The following ATP10D variants were observed in gnomAD, a reference collection of about 807,000 sequenced individuals.
ATP10D encodes phospholipid-transporting ATPase VD.
ATP10D carries 89 observed loss-of-function variants against 144.8 expected under a neutral mutation model. The observed-to-expected ratio is 0.61, with a 90% confidence interval of 0.52 to 0.73. ATP10D has a LOEUF of 0.73. ATP10D is among the 30% of genes least tolerant of loss of function. The probability of loss-of-function intolerance (pLI) is 0.00; values close to 1 mark genes in which losing one functional copy is unlikely to be tolerated. For missense variants in ATP10D, 1,603 were observed against 1,714.8 expected, an observed-to-expected ratio of 0.93 and a Z score of 1.15; for synonymous variants, 571 against 615.1, an observed-to-expected ratio of 0.93 and a Z score of 1.06.
chr4:47,492,591 T>C (rs1453783520), intron 1 of ATP10D, among the ~76,000 whole-genome samples: 2 of 152,172 alleles, frequency 1.3e-5, no homozygotes, highest in Admixed American at 1.3e-4. Context: ...GTTTAAGTAA[T>C]TGACATGTGT....
chr4:47,525,737 G>A, intron 5 of ATP10D, 95 bp downstream of exon 5: 2 of 1,036,954 alleles, frequency 1.9e-6, no homozygotes, highest in South Asian at 2.9e-5. Flanking sequence ...TTATACCCTT[G>A]TTAAATCACT....
At chr4:47,499,943 G>C (rs1034196206) in intron 1 of ATP10D, among the ~76,000 whole-genome samples, 4 of 152,204 alleles carry the variant, frequency 2.6e-5, no homozygotes, top group Non-Finnish European at 5.9e-5. Context: ...AGATCTTAAT[G>C]TGAACTGTAA....
intron 10 of ATP10D, among the ~76,000 whole-genome samples, chr4:47,554,229 C>T (rs1424975338): frequency 6.6e-6 from 1 of 152,138 alleles, no homozygotes; most frequent in Non-Finnish European, 1.5e-5. Flanking sequence ...AATATGTTAG[C>T]CTGCTTATAA....
intron 14 of ATP10D, among the ~76,000 whole-genome samples, chr4:47,562,211 G>T (rs1219977209): frequency 1.3e-5 from 2 of 152,204 alleles, no homozygotes; most frequent in East Asian, 1.9e-4. Flanking sequence ...ATAGAATATG[G>T]TATATGCACC....
chr4:47,512,080 G>C (rs1716363591), intron 1 of ATP10D, among the ~76,000 whole-genome samples: 1 of 152,150 alleles, frequency 6.6e-6, no homozygotes, highest in African/African-American at 2.4e-5. Flanking sequence ...ACATAGAATG[G>C]GTTTTTTTGA....
At chr4:47,542,192 G>A (rs567616798) in intron 9 of ATP10D, among the ~76,000 whole-genome samples, 4 of 151,984 alleles carry the variant, frequency 2.6e-5, no homozygotes, top group African/African-American at 9.7e-5. Flanking sequence ...AACCCTCTGG[G>A]CTCAAGTGAT....
chr4:47,488,241 T>C lies in ATP10D; in HGVS notation c.-38+2722T>C, dbSNP rs189469188. On this transcript the variant is annotated intron_variant, in intron 1 of 22. Coordinates refer to ENST00000273859, the MANE Select transcript of ATP10D (RefSeq NM_020453.4). ...ATGACTTGGAAATATACTTGCAATG[T>C]ATTCTGTAAAAAAGTGAAATTTAAT... Among the ~76,000 whole-genome samples the C allele has an allele frequency of 2.9e-3, 434 of 152,240 alleles. 7 individuals are homozygous for C. Among genetic ancestry groups the C allele is most frequent in the Admixed American group, 0.026 (390 of 15,290 alleles).
At chr4:47,554,941 G>A (rs1389361937) in intron 11 of ATP10D, 27 bp downstream of exon 11, 1 of 1,598,534 alleles carries the variant, frequency 6.3e-7, no homozygotes, top group African/African-American at 1.3e-5. Context: ...ATGCAAACAA[G>A]GGTCACTTTC....
Position 47,535,574 on chromosome 4 carries a change from T to C in ATP10D, c.842T>C (p.Ile281Thr). Reference sequence around the variant, plus strand: ...AATTTGTTGCTTAGAGGATGCACCATTAGAAACACAGAGGCTGTTGTGGGC... The same window carrying C: ...AATTTGTTGCTTAGAGGATGCACCACTAGAAACACAGAGGCTGTTGTGGGC... ...KENLLLRGCT[I>T]RNTEAVVGIV... The change falls in exon 6 of 23, where the codon ATT (isoleucine) becomes ACT (threonine). Residue 281 changes from isoleucine to threonine, a missense_variant. Physicochemically the swap from Ile to Thr is moderately conservative, Grantham distance 89. Coordinates refer to ENST00000273859, the MANE Select transcript of ATP10D (RefSeq NM_020453.4). The C allele has an allele frequency of 3.7e-6, 6 of 1,613,256 alleles. No homozygotes were observed. The highest frequency in any genetic ancestry group is 5.1e-6 in the Non-Finnish European group (6 of 1,179,482).
At chr4:47,527,510 C>T (rs1717309853) in intron 5 of ATP10D, among the ~76,000 whole-genome samples, 1 of 152,066 alleles carries the variant, frequency 6.6e-6, no homozygotes, top group Admixed American at 6.6e-5. Context: ...AAAGACAAGT[C>T]ACAGACAGGA....
intron 2 of ATP10D, among the ~76,000 whole-genome samples, 171 bp from the exon 3 acceptor site, chr4:47,515,305 A>G (rs867058781): frequency 6.6e-6 from 1 of 152,230 alleles, no homozygotes; most frequent in Non-Finnish European, 1.5e-5. Context: ...CCAGATGTCT[A>G]GCAGGGTAAT....
At chr4:47,570,802 C>CAAA (rs35697866) in intron 16 of ATP10D, among the ~76,000 whole-genome samples, 1 of 129,362 alleles carries the variant, frequency 7.7e-6, no homozygotes. Context: ...GATTCTGTCT[C>CAAA]AAAAAAAAAA....
rs372761270 is a variant in ATP10D, at chr4:47,535,472, T to C, written c.777-37T>C. On this transcript the variant is annotated intron_variant, in intron 5 of 22. Coordinates refer to ENST00000273859, the MANE Select transcript of ATP10D (RefSeq NM_020453.4). ...TTTATTTTTATATCCCCACTTTTGC[T>C]GTTTAAAAGTGAATTTATATGCTGT... 7 of 1,490,036 alleles carry C rather than the reference T, an allele frequency of 4.7e-6. No individual in the cohort carries two copies. The African/African-American group carries it at 9.9e-5, about 21-fold the overall frequency. The allele number at this position is 1,490,036 out of a possible 1,614,324, so 92.3% of individuals were successfully genotyped here.
intron 5 of ATP10D, among the ~76,000 whole-genome samples, chr4:47,528,545 T>C (rs1717396822): frequency 6.7e-6 from 1 of 149,046 alleles, no homozygotes; most frequent in South Asian, 2.2e-4. Flanking sequence ...CACATTGTCT[T>C]TAATCATCCA....
intron 1 of ATP10D, chr4:47,491,060 T>C: frequency 1.4e-6 from 1 of 725,664 alleles, no homozygotes; most frequent in Non-Finnish European, 2.6e-6. Flanking sequence ...TGTGCTTCTC[T>C]GGGTGGAGCA....
At chr4:47,525,902 C>G (rs146974944) in intron 5 of ATP10D, among the ~76,000 whole-genome samples, 167 of 152,302 alleles carry the variant, frequency 1.1e-3, no homozygotes, top group African/African-American at 3.8e-3. Context: ...AATTTGGGGT[C>G]CTTACCTAAT....
At chr4:47,545,445 G>T (rs1322636880) in intron 9 of ATP10D, among the ~76,000 whole-genome samples, 1 of 152,186 alleles carries the variant, frequency 6.6e-6, no homozygotes, top group African/African-American at 2.4e-5. Flanking sequence ...ATTGCAGAGG[G>T]GCAAGGAGAC....
In ATP10D at chr4:47,565,943, C is replaced by G. The variant is rs190002062; in HGVS notation, c.2853+2178C>G. On this transcript the variant is annotated intron_variant, in intron 15 of 22. Coordinates refer to ENST00000273859, the MANE Select transcript of ATP10D (RefSeq NM_020453.4). ...AAATAACTAAACAGAATACAACAAA[C>G]ATAATTTAGTTTTATCACAACTCAA... Among the ~76,000 whole-genome samples, 83 of 152,274 alleles carry G rather than the reference C, an allele frequency of 5.5e-4. No individual in the cohort carries two copies. The East Asian group carries it at 0.015, about 27-fold the overall frequency.
chr4:47,566,418 AT>A lies in ATP10D; in HGVS notation c.2854-2417del, dbSNP rs554668272. On this transcript the variant is annotated intron_variant, in intron 15 of 22. Coordinates refer to ENST00000273859, the MANE Select transcript of ATP10D (RefSeq NM_020453.4). ...ATTTCATTTAAATTTTTCTCCTCAG[AT>A]TGGTAACTTTCTATCTTCATAATTT... Among the ~76,000 whole-genome samples, 36 of 152,146 alleles carry A rather than the reference AT, an allele frequency of 2.4e-4. 1 individual carries two copies. The South Asian group carries it at 7.5e-3, about 32-fold the overall frequency.
Sources: gnomAD v4.1 joint callset for allele counts (sites outside exome capture counted in the v4.1 genomes callset) on GRCh38, gnomAD v4.1.1 for gene constraint, MANE v1.5 for transcripts, NCBI Gene and HGNC (gene_info 2026-07-23, HGNC 2026-07-21) for gene names.